The following TMEM181 variants were observed in gnomAD, a reference collection of about 807,000 sequenced individuals.
TMEM181 encodes the protein transmembrane protein 181.
Under a neutral mutation model 71.9 loss-of-function variants are expected in TMEM181, and 39 were observed. That is an observed-to-expected ratio of 0.54 (90% CI 0.42 to 0.71). The LOEUF (loss-of-function observed/expected upper bound fraction) is 0.71. Ranked by LOEUF, TMEM181 falls within the 30% of genes least tolerant of loss-of-function variation. The pLI is 0.00. For missense variants in TMEM181, 595 were observed against 583.0 expected (o/e 1.02, Z -0.21); for synonymous variants, 245 against 228.8 (o/e 1.07, Z -0.64).
At chr6:158,556,781 G>T (rs899072104), upstream of TMEM181, among the ~76,000 whole-genome samples, 1 of 134,684 alleles carries the variant, frequency 7.4e-6, no homozygotes, top group Non-Finnish European at 1.6e-5. Context: ...TATTTTTTTT[G>T]AGATGGAGTC....
chr6:158,578,617 T>A (rs1490856003), intron 2 of TMEM181, among the ~76,000 whole-genome samples: 3 of 152,294 alleles, frequency 2.0e-5, no homozygotes, highest in Non-Finnish European at 4.4e-5. Flanking sequence ...CATATTGATG[T>A]TAAGCTGGTA....
intron 1 of TMEM181, among the ~76,000 whole-genome samples, chr6:158,546,313 A>C (rs899676117): frequency 2.0e-5 from 3 of 152,218 alleles, no homozygotes; most frequent in African/African-American, 7.2e-5. Flanking sequence ...AGTTCTCATC[A>C]TTGGCAGCTA....
chr6:158,554,047 C>T (rs1330640832), intron 1 of TMEM181, among the ~76,000 whole-genome samples: 1 of 152,084 alleles, frequency 6.6e-6, no homozygotes, highest in Non-Finnish European at 1.5e-5. Flanking sequence ...GCTGGGATTA[C>T]AGGTGCCAGC....
At chr6:158,542,324 A>C (rs1781384668) in intron 1 of TMEM181, among the ~76,000 whole-genome samples, 1 of 152,220 alleles carries the variant, frequency 6.6e-6, no homozygotes, top group African/African-American at 2.4e-5. Context: ...CAGATACTAA[A>C]GTTGTTACTC....
intron 11 of TMEM181, among the ~76,000 whole-genome samples, chr6:158,624,322 C>T (rs1786143345): frequency 6.6e-6 from 1 of 152,232 alleles, no homozygotes; most frequent in Non-Finnish European, 1.5e-5. Flanking sequence ...CAGCTAAAGT[C>T]ACTTAGGTGC....
chr6:158,557,105 G>A (rs1395973353), upstream of TMEM181, among the ~76,000 whole-genome samples: 2 of 151,960 alleles, frequency 1.3e-5, no homozygotes, highest in East Asian at 3.9e-4. Flanking sequence ...CTCCAAAGGC[G>A]GTGCACCTCC....
chr6:158,628,566 C>T (rs543992247), intron 14 of TMEM181, 76 bp downstream of exon 14: 2 of 1,369,418 alleles, frequency 1.5e-6, no homozygotes, highest in East Asian at 4.7e-5. Context: ...CAGATTTGCC[C>T]CTCTCAAGAG....
At chr6:158,536,798 C>T in exon 1 of TMEM181, 3 of 1,560,842 alleles carry the variant, frequency 1.9e-6, no homozygotes, top group Non-Finnish European at 2.6e-6. Flanking sequence ...CCTGTGCCGG[C>T]GGCTGCGGGA....
At chr6:158,621,897 C>G (rs923701447) in intron 10 of TMEM181, among the ~76,000 whole-genome samples, 5 of 152,230 alleles carry the variant, frequency 3.3e-5, no homozygotes, top group Non-Finnish European at 7.3e-5. Flanking sequence ...TTCCGAAGAC[C>G]ACAAAGGGCT....
chr6:158,577,929 A>G (rs1783252829), intron 2 of TMEM181, among the ~76,000 whole-genome samples: 1 of 152,146 alleles, frequency 6.6e-6, no homozygotes, highest in Non-Finnish European at 1.5e-5. Context: ...CATTTCTACT[A>G]AAAATACAAA....
chr6:158,599,702 C>T (rs1159534956), intron 6 of TMEM181, among the ~76,000 whole-genome samples: 1 of 152,188 alleles, frequency 6.6e-6, no homozygotes, highest in Non-Finnish European at 1.5e-5. Context: ...CTCCTGTGGA[C>T]CTTCTGGCCC....
chr6:158,629,658 A>G, intron 14 of TMEM181, 72 bp from the exon 15 acceptor site: 1 of 1,283,372 alleles, frequency 7.8e-7, no homozygotes, highest in Non-Finnish European at 1.1e-6. Context: ...TGGCGGGAGG[A>G]GTGGTCGGGC....
chr6:158,589,680 G>C lies in TMEM181; in HGVS notation c.390G>C (p.Ala130=). Residue 130 remains alanine (A), a synonymous_variant, in exon 6 of 17, where the codon GCG becomes GCC. Transcript: ENST00000684151. The stretch of plus-strand genomic sequence containing the variant: ...TTTCTGTGTATTTGCAGAAATGTGC[G>C]GAGATTATTGTGGCTCACCTTGGCT... The part of the protein sequence containing the change: ...TRTLTCAGKC[A]EIIVAHLGYL... 6.2e-7 allele frequency: 1 copy of C among 1,613,752 alleles called. No individual in the cohort carries two copies. The highest frequency in any genetic ancestry group is 8.5e-7 in the Non-Finnish European group (1 of 1,179,740).
chr6:158,570,355 C>T (rs1274949862), intron 1 of TMEM181, among the ~76,000 whole-genome samples: 1 of 151,682 alleles, frequency 6.6e-6, no homozygotes, highest in Non-Finnish European at 1.5e-5. Flanking sequence ...GCCTCGGCCT[C>T]CCGAGTAGCT....
At position 158,628,480 on chromosome 6, in the gene TMEM181, C is replaced by T. The variant is rs1386210308; in HGVS notation, c.1182C>T (p.His394=). 3 of 1,614,032 alleles carry T rather than the reference C, an allele frequency of 1.9e-6. No homozygotes were observed. The South Asian group carries it at 3.3e-5, about 18-fold the overall frequency. Residue 394 remains histidine, a synonymous_variant, in exon 14 of 17, where the codon CAC becomes CAT. Transcript: ENST00000684151. ...ATTTTGTAGCAGAGCTGTCAACTCA[C>T]TACCAGAATTATATCCTTTTCACTG... is the stretch of plus-strand genomic sequence containing the variant. ...QDNFVAELST[H]YQNSAEFLSF...
chr6:158,623,530 T>C lies in TMEM181; in HGVS notation c.897-20T>C, dbSNP rs758305541. On this transcript the variant is annotated intron_variant, in intron 10 of 16. Coordinates refer to ENST00000684151, the MANE Select transcript of TMEM181 (RefSeq NM_001376852.1). Reference sequence around the variant, plus strand: ...AAAGGTAGTTATTAATCTATAATTATTTATAATGTCAATTTTTAGAGTTAA... The same window carrying C: ...AAAGGTAGTTATTAATCTATAATTACTTATAATGTCAATTTTTAGAGTTAA... The C allele has an allele frequency of 2.0e-6, 3 of 1,464,638 alleles. No individual in the cohort carries two copies. Among genetic ancestry groups the C allele is most frequent in the East Asian group, 4.7e-5 (2 of 42,436 alleles). 90.7% of individuals were successfully genotyped at this position (1,464,638 alleles called of 1,614,324 possible). A position where few individuals can be genotyped will look rare whatever the true frequency, so the allele number is the denominator to read the frequency against.
intron 6 of TMEM181, among the ~76,000 whole-genome samples, chr6:158,590,768 G>C (rs1376404811): frequency 6.6e-6 from 1 of 152,208 alleles, no homozygotes; most frequent in Non-Finnish European, 1.5e-5. Flanking sequence ...GGCCCATTCA[G>C]TGGTTTTTAG....
chr6:158,624,417 G>T (rs1473098151), intron 11 of TMEM181, among the ~76,000 whole-genome samples: 1 of 152,252 alleles, frequency 6.6e-6, no homozygotes, highest in Non-Finnish European at 1.5e-5. Context: ...GCGCTGAGAG[G>T]ACAGGAAAGG....
At chr6:158,536,707 G>A (rs970684754) in exon 1 of TMEM181, 14 of 1,549,508 alleles carry the variant, frequency 9.0e-6, no homozygotes, top group African/African-American at 4.2e-5. Context: ...GTGGAGCGGC[G>A]GGACCGGGAC....
Sources: gnomAD v4.1 joint callset for allele counts (sites outside exome capture counted in the v4.1 genomes callset) on GRCh38, gnomAD v4.1.1 for gene constraint, MANE v1.5 for transcripts, NCBI Gene and HGNC (gene_info 2026-07-23, HGNC 2026-07-21) for gene names.